The following STK32A variants were observed in gnomAD, a reference collection of about 807,000 sequenced individuals.
The protein encoded by STK32A is serine/threonine-protein kinase 32A.
In STK32A, 41 loss-of-function variants were observed where a neutral mutation model predicts 53.2. The observed-to-expected ratio is 0.77, with a 90% CI of 0.60 to 1.00. The LOEUF (loss-of-function observed/expected upper bound fraction) is 1.00, where lower values mean the gene tolerates loss of function less well. STK32A is among the 50% of genes least tolerant of loss of function. The pLI is 0.00. For missense variants in STK32A, 458 were observed against 485.8 expected (o/e 0.94, Z 0.54); for synonymous variants, 166 against 162.8 (o/e 1.02, Z -0.15).
chr5:147,283,538 G>T (rs1752171895), intron 4 of STK32A, among the ~76,000 whole-genome samples: 1 of 150,326 alleles, frequency 6.7e-6, no homozygotes, highest in Admixed American at 6.6e-5. Flanking sequence ...AAAATTGGTA[G>T]ACTATTGGCA....
downstream of STK32A, chr5:147,391,068 C>A (rs1757785568): frequency 1.3e-5 from 2 of 152,616 alleles, no homozygotes; most frequent in Admixed American, 1.3e-4. Flanking sequence ...CTGCCCAGGG[C>A]AGCCCATGAG....
rs149231166 is a variant in STK32A at position 147,308,442 on chromosome 5, C to A, written c.261-15456C>A. Among the ~76,000 whole-genome samples, 333 of 152,044 alleles carry A rather than the reference C, an allele frequency of 2.2e-3. 3 individuals are homozygous for A. Among genetic ancestry groups the A allele is most frequent in the African/African-American group, 7.6e-3 (316 of 41,494 alleles). On this transcript the variant is annotated intron_variant, in intron 4 of 12. Coordinates refer to ENST00000397936, the MANE Select transcript of STK32A (RefSeq NM_001112724.2). ...CTCTTATTAATTATACTAGTTGTCCCATAGGTTTTCTTGGATTTTCAATAT... is the reference window on the plus strand; with the variant it reads ...CTCTTATTAATTATACTAGTTGTCCAATAGGTTTTCTTGGATTTTCAATAT...
intron 11 of STK32A, among the ~76,000 whole-genome samples, chr5:147,379,123 T>G (rs559849192): frequency 5.5e-4 from 83 of 151,948 alleles, no homozygotes; most frequent in African/African-American, 1.9e-3. Context: ...TATTTCTCCT[T>G]GAAGAGGTCC....
the STK32A span, chr5:147,399,244 C>A: frequency 6.2e-7 from 1 of 1,613,992 alleles, no homozygotes; most frequent in Non-Finnish European, 8.5e-7. Context: ...CGTCCATTTT[C>A]CCTGTGGCCT....
intron 4 of STK32A, among the ~76,000 whole-genome samples, chr5:147,308,160 A>G (rs997554270): frequency 1.1e-3 from 92 of 82,826 alleles, no homozygotes; most frequent in African/African-American, 1.9e-3. Flanking sequence ...ATATATATAT[A>G]TATGTGTGTA....
intron 7 of STK32A, among the ~76,000 whole-genome samples, chr5:147,351,654 C>A (rs539553605): frequency 6.6e-6 from 1 of 152,266 alleles, no homozygotes; most frequent in South Asian, 2.1e-4. Context: ...TGAGACCATC[C>A]TGGCCAACAT....
chr5:147,267,513 G>T (rs995605075), intron 2 of STK32A, among the ~76,000 whole-genome samples: 1 of 151,968 alleles, frequency 6.6e-6, no homozygotes, highest in African/African-American at 2.4e-5. Context: ...ATGCTGTTTT[G>T]GTAAAAAGTA....
intron 9 of STK32A, 86 bp from the exon 10 acceptor site, chr5:147,373,083 T>G: frequency 6.4e-7 from 1 of 1,552,066 alleles, no homozygotes; most frequent in Non-Finnish European, 8.8e-7. Context: ...AGTCCTACAG[T>G]TGAAAGCATT....
chr5:147,279,598 GA>G (rs1305848928), intron 4 of STK32A, among the ~76,000 whole-genome samples, 200 bp downstream of exon 4: 1 of 152,218 alleles, frequency 6.6e-6, no homozygotes, highest in Non-Finnish European at 1.5e-5. Flanking sequence ...ACACTCAAGA[GA>G]GGGGAGCATG....
chr5:147,395,547 T>C, the STK32A span: 1 of 1,605,480 alleles, frequency 6.2e-7, no homozygotes, highest in Non-Finnish European at 8.5e-7. Flanking sequence ...TTGATGAGCC[T>C]GTCCCACTCA....
intron 5 of STK32A, among the ~76,000 whole-genome samples, chr5:147,332,159 A>G (rs2151982217): frequency 6.6e-6 from 1 of 152,322 alleles, no homozygotes; most frequent in East Asian, 1.9e-4. Flanking sequence ...CTTACAATAC[A>G]TTATGGGATA....
chr5:147,378,880 T>G (rs1757340447), intron 11 of STK32A, among the ~76,000 whole-genome samples: 2 of 124,372 alleles, frequency 1.6e-5, no homozygotes, highest in African/African-American at 5.9e-5. Context: ...TTTTTTTTTT[T>G]TGCTTAGGAT....
At chr5:147,307,922 T>C (rs1321675785) in intron 4 of STK32A, among the ~76,000 whole-genome samples, 3 of 152,092 alleles carry the variant, frequency 2.0e-5, no homozygotes, top group Non-Finnish European at 4.4e-5. Flanking sequence ...TATCACTCTG[T>C]TTTAATTACT....
chr5:147,289,040 G>A (rs1752477445), intron 4 of STK32A, among the ~76,000 whole-genome samples: 1 of 152,102 alleles, frequency 6.6e-6, no homozygotes. Flanking sequence ...ATGGTTCATT[G>A]TGGACATCCA....
At chr5:147,336,779 C>A (rs1341856671) in intron 5 of STK32A, among the ~76,000 whole-genome samples, 1 of 151,980 alleles carries the variant, frequency 6.6e-6, no homozygotes, top group African/African-American at 2.4e-5. Context: ...TTTTTGAGAC[C>A]AATAGCCCAT....
intron 5 of STK32A, among the ~76,000 whole-genome samples, chr5:147,327,617 T>C: frequency 6.6e-6 from 1 of 152,240 alleles, no homozygotes; most frequent in Non-Finnish European, 1.5e-5. Context: ...TAGGGTTTCC[T>C]GGGTACCAGG....
downstream of STK32A, among the ~76,000 whole-genome samples, chr5:147,389,921 G>A (rs990408933): frequency 6.6e-6 from 1 of 152,084 alleles, no homozygotes; most frequent in African/African-American, 2.4e-5. Flanking sequence ...CTTACTGAAG[G>A]CACACAGGGC....
intron 7 of STK32A, among the ~76,000 whole-genome samples, chr5:147,353,262 T>C (rs1756069432): frequency 6.6e-6 from 1 of 152,088 alleles, no homozygotes; most frequent in South Asian, 2.1e-4. Flanking sequence ...CCCAGCAGGG[T>C]GAGTGAAGGA....
intron 2 of STK32A, among the ~76,000 whole-genome samples, chr5:147,260,318 TTCTCCGTCTCTA>T (rs1754497376): frequency 7.7e-6 from 1 of 130,494 alleles, no homozygotes; most frequent in South Asian, 2.5e-4. Context: ...TCTCTCTCTC[TTCTCCGTCTCTA>T]TCTGTCTCAC....
Sources: allele counts gnomAD v4.1 joint callset (sites outside exome capture counted in the v4.1 genomes callset), GRCh38; gene constraint gnomAD v4.1.1; transcripts MANE v1.5; gene names NCBI Gene and HGNC (gene_info 2026-07-23, HGNC 2026-07-21).